ESR1: variants seen among roughly 807,000 people sequenced by gnomAD.
ESR1 encodes the protein estrogen receptor 1.
ESR1 carries 12 observed loss-of-function variants against 52.7 expected under a neutral mutation model. The ratio of observed to expected loss-of-function variants is 0.23; its 90% CI spans 0.15 to 0.37. The LOEUF is 0.37. Among genes scored for constraint, ESR1 ranks in the 10% least tolerant of loss-of-function variants. The pLI is 1.00. For synonymous variants in ESR1, 305 were observed against 316.8 expected (o/e 0.96, Z 0.39); for missense variants, 584 against 779.7 (o/e 0.75, Z 2.99).
At chr6:151,734,426 G>A (rs1256641036) in intron 2 of ESR1, among the ~76,000 whole-genome samples, 1 of 152,056 alleles carries the variant, frequency 6.6e-6, no homozygotes, top group Non-Finnish European at 1.5e-5. Context: ...GGCCACCTCA[G>A]TTGCTATAAA....
chr6:151,820,568 T>C (rs138781070), intron 1 of ESR1, among the ~76,000 whole-genome samples: 4 of 152,300 alleles, frequency 2.6e-5, no homozygotes, highest in Non-Finnish European at 5.9e-5. Flanking sequence ...ATTCTAGATC[T>C]AGAATTTGGA....
At chr6:151,791,915 A>G (rs945853645) in intron 2 of ESR1, among the ~76,000 whole-genome samples, 20 of 152,240 alleles carry the variant, frequency 1.3e-4, no homozygotes, top group African/African-American at 1.9e-4. Flanking sequence ...TTCTCTTCCA[A>G]TACAATCATG....
At chr6:151,888,549 G>A (rs1202625994) in intron 3 of ESR1, among the ~76,000 whole-genome samples, 1 of 152,002 alleles carries the variant, frequency 6.6e-6, no homozygotes, top group African/African-American at 2.4e-5. Flanking sequence ...TTGTTTATTA[G>A]TTCTAATAGT....
intron 4 of ESR1, among the ~76,000 whole-genome samples, chr6:152,006,578 A>T (rs539598238): frequency 2.6e-5 from 4 of 152,180 alleles, no homozygotes; most frequent in African/African-American, 7.2e-5. Context: ...CCAGAAATCC[A>T]AAGTTTTATT....
In ESR1 at chr6:152,061,215, A is replaced by T. The variant is rs2128959479; in HGVS notation, c.1369+91A>T. The T allele has an allele frequency of 8.0e-7, 1 of 1,245,724 alleles. No homozygotes were observed. Among genetic ancestry groups the T allele is most frequent in the East Asian group, 2.3e-5 (1 of 42,898 alleles). The allele number at this position is 1,245,724 out of a possible 1,614,324, so 77.2% of individuals were successfully genotyped here. The stretch of plus-strand genomic sequence containing the variant: ...ACGATCTACCCACTCCAAAGGCATA[A>T]TGTCATAAATAGAAAGAAACTACTG... On this transcript the variant is annotated intron_variant, in intron 6 of 7. Transcript: ENST00000206249. The surrounding 1 kb of genome is among the most constrained non-coding windows in gnomAD (Gnocchi z 4.3).
intron 6 of ESR1, among the ~76,000 whole-genome samples, chr6:152,068,530 TA>T (rs11311524): frequency 0.22 from 33,130 of 152,044 alleles, 5,246 homozygotes; most frequent in African/African-American, 0.43. Flanking sequence ...AACATTTGTT[TA>T]AAACCATCCC....
intron 3 of ESR1, among the ~76,000 whole-genome samples, chr6:151,896,698 C>A (rs1376894688): frequency 6.6e-6 from 1 of 151,340 alleles, no homozygotes; most frequent in East Asian, 1.9e-4. Flanking sequence ...CTGCTCTGAT[C>A]TTGGTATTTT....
At position 152,053,868 on chromosome 6, in the gene ESR1, A is replaced by T. The variant is rs2046891639; in HGVS notation, c.1236-7123A>T. Among the ~76,000 whole-genome samples the T allele has an allele frequency of 6.6e-6, 1 of 152,066 alleles. No individual in the cohort carries two copies. The highest frequency in any genetic ancestry group is 6.6e-5 in the Admixed American group (1 of 15,246). On this transcript the variant is annotated intron_variant, in intron 5 of 7. Coordinates refer to ENST00000206249, the MANE Select transcript of ESR1 (RefSeq NM_000125.4). This position sits in a 1 kb window ranked among gnomAD's most constrained non-coding sequence, Gnocchi z 4.1. Reference sequence around the variant, plus strand: ...TGATTCTGCTATTGTATGTGTAAGGATTTTTTCCTGCATACTTTTGTAAGT... The same window carrying T: ...TGATTCTGCTATTGTATGTGTAAGGTTTTTTTCCTGCATACTTTTGTAAGT...
In ESR1 at chr6:151,698,919, C is replaced by A. The variant is rs186206165; in HGVS notation, c.-201-2956C>A. ...ATTCCTCCGGATCACTCAATCTTCA[C>A]AAATCAAGCATATAGCTCCTTCACA... On this transcript the variant is annotated intron_variant, in intron 1 of 2. Coordinates refer to the ESR1 transcript ENST00000404742. Among the ~76,000 whole-genome samples, 12 of 152,216 alleles carry A rather than the reference C, an allele frequency of 7.9e-5. No individual in the cohort carries two copies. The East Asian group carries it at 1.9e-3, about 25-fold the overall frequency.
At chr6:152,120,442 G>A (rs535534004) in intron 6 of ESR1, among the ~76,000 whole-genome samples, 60 of 152,304 alleles carry the variant, frequency 3.9e-4, no homozygotes, top group African/African-American at 1.3e-3. Flanking sequence ...AAATAACAGT[G>A]GGCGGGGGGC....
chr6:151,893,369 C>T (rs1413595311), intron 3 of ESR1, among the ~76,000 whole-genome samples: 1 of 152,022 alleles, frequency 6.6e-6, no homozygotes, highest in East Asian at 1.9e-4. Flanking sequence ...AAGAAATGTT[C>T]TGGTCATGCC....
intron 3 of ESR1, among the ~76,000 whole-genome samples, chr6:151,943,406 CA>C (rs139828703): frequency 0.051 from 7,297 of 143,864 alleles, 172 homozygotes; most frequent in Non-Finnish European, 0.059. Context: ...AAAACAAAAA[CA>C]AAAAAAAAAC....
intron 3 of ESR1, among the ~76,000 whole-genome samples, chr6:151,911,642 T>C (rs1201033481): frequency 6.6e-6 from 1 of 152,242 alleles, no homozygotes; most frequent in Non-Finnish European, 1.5e-5. Context: ...TCCTGCATGA[T>C]GTAAAATGAA....
At chr6:151,704,261 G>A (rs2127989313) in intron 2 of ESR1, among the ~76,000 whole-genome samples, 1 of 152,258 alleles carries the variant, frequency 6.6e-6, no homozygotes, top group East Asian at 1.9e-4. Context: ...TTGAGACTGA[G>A]TCTCACTCTG....
At chr6:151,856,007 G>C (rs987623736) in intron 2 of ESR1, among the ~76,000 whole-genome samples, 4 of 152,022 alleles carry the variant, frequency 2.6e-5, no homozygotes, top group African/African-American at 9.7e-5. Context: ...AATAGTGTGG[G>C]TTTAAAAAAA....
At chr6:151,827,376 A>G (rs867967907) in intron 1 of ESR1, among the ~76,000 whole-genome samples, 3 of 151,566 alleles carry the variant, frequency 2.0e-5, no homozygotes, top group Non-Finnish European at 4.4e-5. Flanking sequence ...GAAAAAAGAA[A>G]AAAAAAGAAG....
At chr6:151,989,052 A>T (rs2040777214) in intron 4 of ESR1, among the ~76,000 whole-genome samples, 2 of 152,146 alleles carry the variant, frequency 1.3e-5, no homozygotes, top group African/African-American at 4.8e-5. Flanking sequence ...ACAAAAATTC[A>T]TAAGATGAGA....
chr6:152,029,918 G>A (rs2044522011), intron 5 of ESR1, among the ~76,000 whole-genome samples: 1 of 152,230 alleles, frequency 6.6e-6, no homozygotes. Flanking sequence ...ACAAAGGGAA[G>A]CCCATCAGAC....
upstream of ESR1, among the ~76,000 whole-genome samples, chr6:151,688,580 T>G (rs1778777946): frequency 6.6e-6 from 1 of 151,576 alleles, no homozygotes; most frequent in Admixed American, 6.6e-5. Context: ...TCAATCAACC[T>G]CTGGTTGGAT....
Sources: gnomAD v4.1 joint callset for allele counts (sites outside exome capture counted in the v4.1 genomes callset) on GRCh38, gnomAD v4.1.1 for gene constraint, Gnocchi (gnomAD v3.1) non-coding constraint, MANE v1.5 for transcripts, NCBI Gene and HGNC (gene_info 2026-07-23, HGNC 2026-07-21) for gene names.